The following DLGAP4 variants were observed in gnomAD, a reference collection of about 807,000 sequenced individuals.
The protein encoded by DLGAP4 is disks large-associated protein 4.
Under a neutral mutation model 86.9 loss-of-function variants are expected in DLGAP4, and 18 were observed. The observed-to-expected ratio is 0.21, with a 90% CI of 0.14 to 0.31. The LOEUF is 0.31. DLGAP4 is among the 10% of genes least tolerant of loss of function. The pLI is 1.00. For missense variants in DLGAP4, 1,085 were observed against 1,362.6 expected, an observed-to-expected ratio of 0.80 and a Z score of 3.21; for synonymous variants, 548 against 574.3, an observed-to-expected ratio of 0.95 and a Z score of 0.65.
chr20:36,328,117 T>C (rs2065234169), intron 1 of DLGAP4, among the ~76,000 whole-genome samples: 2 of 151,966 alleles, frequency 1.3e-5, no homozygotes, highest in Non-Finnish European at 2.9e-5. Context: ...GAGAATTGCT[T>C]GAACCTGGGA....
chr20:36,406,137 G>A (rs985971914), intron 2 of DLGAP4, among the ~76,000 whole-genome samples: 131 of 152,140 alleles, frequency 8.6e-4, no homozygotes, highest in Non-Finnish European at 1.4e-3. Flanking sequence ...GGTGGCTCAC[G>A]CCTGTAATCC....
intron 2 of DLGAP4, among the ~76,000 whole-genome samples, chr20:36,379,622 G>A (rs1392402914): frequency 6.6e-6 from 1 of 152,164 alleles, no homozygotes; most frequent in East Asian, 1.9e-4. Context: ...GGAGAGCCTG[G>A]TGCTGGTTGT....
chr20:36,380,712 G>A (rs2031359897), intron 2 of DLGAP4, among the ~76,000 whole-genome samples: 1 of 151,038 alleles, frequency 6.6e-6, no homozygotes. Flanking sequence ...TGATTCAGAT[G>A]AAACATCAAG....
intron 1 of DLGAP4, among the ~76,000 whole-genome samples, chr20:36,345,205 C>T (rs73905334): frequency 0.038 from 5,829 of 152,270 alleles, 377 homozygotes; most frequent in African/African-American, 0.13. Flanking sequence ...ATTATATAGA[C>T]GAGAGAACTG....
At chr20:36,517,775 C>T (rs193112206) in intron 10 of DLGAP4, among the ~76,000 whole-genome samples, 5 of 152,158 alleles carry the variant, frequency 3.3e-5, no homozygotes, top group East Asian at 3.9e-4. Context: ...AGTACACTGC[C>T]GGGTTTAATA....
intron 1 of DLGAP4, among the ~76,000 whole-genome samples, chr20:36,311,546 CTG>C (rs1422771897): frequency 6.6e-6 from 1 of 152,172 alleles, no homozygotes; most frequent in Non-Finnish European, 1.5e-5. Context: ...ATAATAATAA[CTG>C]TATCACTGGC....
chr20:36,384,365 GTGCAAATCTGAGCAATATC>G (rs1190813581), intron 2 of DLGAP4, among the ~76,000 whole-genome samples: 1 of 152,170 alleles, frequency 6.6e-6, no homozygotes, highest in Non-Finnish European at 1.5e-5. Flanking sequence ...CCCTGGCATT[GTGCAAATCTGAGCAATATC>G]TGAGGTAGGA....
intron 7 of DLGAP4, among the ~76,000 whole-genome samples, chr20:36,472,643 T>G (rs377641226): frequency 6.6e-5 from 10 of 152,194 alleles, no homozygotes; most frequent in South Asian, 4.2e-4. Flanking sequence ...TCTGCTTGGA[T>G]TAGAAGCCAG....
intron 2 of DLGAP4, among the ~76,000 whole-genome samples, chr20:36,430,379 C>T (rs1464251144): frequency 6.6e-6 from 1 of 152,218 alleles, no homozygotes; most frequent in African/African-American, 2.4e-5. Flanking sequence ...GCCCAGCAGT[C>T]ATACTTGGTA....
intron 1 of DLGAP4, among the ~76,000 whole-genome samples, chr20:36,321,561 G>T (rs1289554887): frequency 6.6e-6 from 1 of 152,242 alleles, no homozygotes; most frequent in African/African-American, 2.4e-5. Context: ...CGTGCTCAGC[G>T]CCTGGTGAGG....
chr20:36,513,554 CAAAA>C (rs562398294), intron 10 of DLGAP4, among the ~76,000 whole-genome samples: 5 of 40,560 alleles, frequency 1.2e-4, no homozygotes, highest in African/African-American at 2.7e-4. Context: ...GACTCCGTCT[CAAAA>C]AAAAAAAAAA....
chr20:36,390,235 G>T (rs1445041240), intron 2 of DLGAP4, among the ~76,000 whole-genome samples: 2 of 152,188 alleles, frequency 1.3e-5, no homozygotes, highest in African/African-American at 2.4e-5. Context: ...ATCAGACCCA[G>T]CCTGAGAAGG....
chr20:36,430,916 C>A (rs935072859), intron 2 of DLGAP4, among the ~76,000 whole-genome samples: 1 of 148,844 alleles, frequency 6.7e-6, no homozygotes, highest in African/African-American at 2.5e-5. Context: ...GATCACACCA[C>A]TGCACTCCAG....
intron 1 of DLGAP4, among the ~76,000 whole-genome samples, chr20:36,354,559 G>C (rs2030264520): frequency 6.6e-6 from 1 of 152,160 alleles, no homozygotes; most frequent in Admixed American, 6.5e-5. Context: ...TGACTAGTGA[G>C]TGGCACTATC....
chr20:36,326,055 G>T (rs2065213064), intron 1 of DLGAP4, among the ~76,000 whole-genome samples: 2 of 152,058 alleles, frequency 1.3e-5, no homozygotes, highest in Admixed American at 1.3e-4. Context: ...TAGCCCTCAA[G>T]ATTTTAAAAT....
At chr20:36,316,443 A>G (rs922049152) in intron 1 of DLGAP4, among the ~76,000 whole-genome samples, 14 of 151,646 alleles carry the variant, frequency 9.2e-5, no homozygotes, top group East Asian at 7.8e-4. Context: ...ATCCTTCCCC[A>G]CAGTCTTTGC....
intron 7 of DLGAP4, chr20:36,462,426 C>T: frequency 6.6e-7 from 1 of 1,510,304 alleles, no homozygotes; most frequent in Non-Finnish European, 8.7e-7. Flanking sequence ...CCCCTTTGAG[C>T]CTGCTTCTTT....
At chr20:36,466,991 GTC>G (rs2034401309) in intron 7 of DLGAP4, among the ~76,000 whole-genome samples, 4 of 39,004 alleles carry the variant, frequency 1.0e-4, no homozygotes, top group African/African-American at 2.5e-4. Flanking sequence ...CTCTCTCTCT[GTC>G]TCTGTCTCTC....
intron 1 of DLGAP4, among the ~76,000 whole-genome samples, chr20:36,351,512 A>G (rs1307661609): frequency 6.6e-6 from 1 of 151,690 alleles, no homozygotes; most frequent in Non-Finnish European, 1.5e-5. Flanking sequence ...AGATGGGACC[A>G]TCTAGTTGCA....
Sources: gnomAD v4.1 joint callset for allele counts (sites outside exome capture counted in the v4.1 genomes callset) on GRCh38, gnomAD v4.1.1 for gene constraint, MANE v1.5 for transcripts, NCBI Gene and HGNC (gene_info 2026-07-23, HGNC 2026-07-21) for gene names.